MCF2L: variants seen among roughly 807,000 people sequenced by gnomAD.
MCF2L encodes the protein guanine nucleotide exchange factor DBS.
In MCF2L, 97 loss-of-function variants were observed where a neutral mutation model predicts 153.4. That is an observed-to-expected ratio of 0.63 (90% CI 0.54 to 0.75). The LOEUF is 0.75. Among genes scored for constraint, MCF2L ranks in the 30% least tolerant of loss-of-function variants. The probability of loss-of-function intolerance (pLI) is 0.00; values close to 1 mark genes in which losing one functional copy is unlikely to be tolerated. For synonymous variants in MCF2L, 659 were observed against 632.2 expected (o/e 1.04, Z -0.64); for missense variants, 1,347 against 1,495.2 (o/e 0.90, Z 1.64).
chr13:113,029,190 G>A (rs575366686), intron 3 of MCF2L, among the ~76,000 whole-genome samples: 5 of 152,290 alleles, frequency 3.3e-5, no homozygotes, highest in South Asian at 2.1e-4. Context: ...GGGAAGCTGC[G>A]GGCCTGTAAG....
intron 2 of MCF2L, among the ~76,000 whole-genome samples, chr13:112,948,497 G>T (rs1479436387): frequency 1.3e-5 from 2 of 152,106 alleles, no homozygotes; most frequent in African/African-American, 4.8e-5. Flanking sequence ...CTTCCACAAA[G>T]TCCTAGGACA....
At chr13:112,937,644 A>T (rs529159355) in intron 2 of MCF2L, among the ~76,000 whole-genome samples, 61 of 152,338 alleles carry the variant, frequency 4.0e-4, no homozygotes, top group Middle Eastern at 3.4e-3. Flanking sequence ...ATTTATGCAC[A>T]TGAAGGATTC....
intron 2 of MCF2L, among the ~76,000 whole-genome samples, chr13:113,017,872 GAAGTGCCAGAGCAAAAAACT>G (rs2084632614): frequency 6.6e-6 from 1 of 152,222 alleles, no homozygotes; most frequent in Non-Finnish European, 1.5e-5. Flanking sequence ...TGGCTTCCGT[GAAGTGCCAGAGCAAAAAACT>G]AAAGATGTCA....
intron 2 of MCF2L, among the ~76,000 whole-genome samples, chr13:112,930,052 A>C (rs2081445993): frequency 6.6e-6 from 1 of 152,228 alleles, no homozygotes; most frequent in Non-Finnish European, 1.5e-5. Flanking sequence ...ACAAAACCTC[A>C]CAACGCCTGG....
intron 4 of MCF2L, among the ~76,000 whole-genome samples, chr13:113,049,829 G>A (rs888301153): frequency 6.6e-6 from 1 of 152,238 alleles, no homozygotes; most frequent in Non-Finnish European, 1.5e-5. Flanking sequence ...TGTCTTAAGA[G>A]CTGAGCTCTC....
At chr13:113,051,746 C>CA (rs1387914022) in intron 4 of MCF2L, among the ~76,000 whole-genome samples, 6 of 152,232 alleles carry the variant, frequency 3.9e-5, no homozygotes, top group Non-Finnish European at 8.8e-5. Context: ...TGAGGAGCCT[C>CA]ACCTGGTGAG....
chr13:113,089,368 G>A (rs1050519139), intron 25 of MCF2L, among the ~76,000 whole-genome samples: 1 of 148,580 alleles, frequency 6.7e-6, no homozygotes, highest in South Asian at 2.1e-4. Context: ...GAGGGTGGGC[G>A]TCTGCTCTCA....
intron 2 of MCF2L, among the ~76,000 whole-genome samples, chr13:113,017,499 C>T (rs1454133068): frequency 1.3e-5 from 2 of 152,240 alleles, no homozygotes; most frequent in Non-Finnish European, 2.9e-5. Flanking sequence ...AACTTTGTTA[C>T]CTCTGCTGCA....
In MCF2L at chr13:113,066,141, C is replaced by G. The variant is rs748402721; in HGVS notation, c.852C>G (p.Asp284Glu). The G allele has an allele frequency of 7.4e-6, 12 of 1,612,680 alleles. No individual in the cohort carries two copies. Among genetic ancestry groups the G allele is most frequent in the Non-Finnish European group, 1.0e-5 (12 of 1,179,790 alleles). The change falls in exon 8 of 30, where the codon GAC (aspartate) becomes GAG (glutamate). Residue 284 changes from aspartate (D) to glutamate (E), a missense_variant. Physicochemically the swap from Asp to Glu is conservative, Grantham distance 45 (BLOSUM62 2). Coordinates refer to ENST00000535094, the MANE Select transcript of MCF2L (RefSeq NM_001112732.3). ...GCTCAGAGCCCAGTGTGAACCAGGA[C>G]CAGCTTGACAACCAGGCCACCGTGC... Reference protein sequence around the residue: ...AEGSEPSVNQDQLDNQATVQR... With the variant: ...AEGSEPSVNQEQLDNQATVQR...
At chr13:113,069,599 G>A (rs575566829) in intron 8 of MCF2L, among the ~76,000 whole-genome samples, 1 of 148,030 alleles carries the variant, frequency 6.8e-6, no homozygotes, top group South Asian at 2.2e-4. Flanking sequence ...GGCAGAGGTC[G>A]CAGTGAGCCG....
chr13:113,091,516 G>C (rs2035208903), intron 26 of MCF2L, among the ~76,000 whole-genome samples: 1 of 152,212 alleles, frequency 6.6e-6, no homozygotes, highest in African/African-American at 2.4e-5. Flanking sequence ...TCACTGCCCA[G>C]TGGCTGCTGT....
At chr13:113,059,655 A>G (rs1407934519) in intron 4 of MCF2L, among the ~76,000 whole-genome samples, 9 of 152,156 alleles carry the variant, frequency 5.9e-5, no homozygotes, top group Non-Finnish European at 1.3e-4. Context: ...ACTGAACGCC[A>G]CGCACGCCTT....
In MCF2L at chr13:112,904,066, T is replaced by C. The variant is rs1448351510; in HGVS notation, c.169+1695T>C. ...GTGGCCACTCAGAACCTCGGACTGG[T>C]GCCTTTCCCTGAGCGCCCAAGTCTC... is the stretch of plus-strand genomic sequence containing the variant. On this transcript the variant is annotated intron_variant, in intron 2 of 29. Coordinates refer to the MCF2L transcript ENST00000375608. This position sits in a 1 kb window ranked among gnomAD's most constrained non-coding sequence, Gnocchi z 4.2. 6.6e-6 allele frequency among the ~76,000 whole-genome samples: 1 copy of C among 151,914 alleles called. No individual in the cohort carries two copies. The highest frequency in any genetic ancestry group is 1.5e-5 in the Non-Finnish European group (1 of 67,986).
Position 113,084,870 on chromosome 13 carries a change from CGGTG to C in MCF2L, c.2062-21_2062-18del. 6.3e-7 allele frequency: 1 copy of C among 1,582,038 alleles called. No homozygotes were observed. On this transcript the variant is annotated intron_variant, in intron 18 of 29. Transcript: ENST00000535094. ...GCTGCCCATCCCTCACTGCGTGATG[CGGTG>C]CCTGTCCCTCGGTGCAGATGGAAGA...
chr13:112,970,910 C>T (rs1179875726), intron 1 of MCF2L, among the ~76,000 whole-genome samples: 1 of 152,142 alleles, frequency 6.6e-6, no homozygotes, highest in African/African-American at 2.4e-5. Context: ...GATGTGCGTC[C>T]TCCCACACAT....
At position 113,064,354 on chromosome 13, in the gene MCF2L, G is replaced by A. The variant is rs777090741; in HGVS notation, c.540G>A (p.Ser180=). The change falls in exon 6 of 30, where the codon TCG becomes TCA. Residue 180 remains serine (S), a synonymous_variant. Coordinates refer to ENST00000535094, the MANE Select transcript of MCF2L (RefSeq NM_001112732.3). This position sits in a 1 kb window ranked among gnomAD's most constrained non-coding sequence, Gnocchi z 6.0. ...VPDLHGYIDK[S]QLTEDLGGTL... is the part of the protein sequence containing the mutation. ...ACTTACACGGTTACATCGATAAGTC[G>A]CAGCTGACCGAGGACCTGGGTGGGA... The A allele has an allele frequency of 6.2e-6, 10 of 1,612,954 alleles. No individual in the cohort carries two copies. Among genetic ancestry groups the A allele is most frequent in the South Asian group, 3.3e-5 (3 of 91,082 alleles).
At chr13:113,058,809 GTGGGCGCTGTGTGTT>G (rs1476451936) in intron 4 of MCF2L, among the ~76,000 whole-genome samples, 1 of 149,844 alleles carries the variant, frequency 6.7e-6, no homozygotes, top group Non-Finnish European at 1.5e-5. Context: ...TGGGCACTGA[GTGGGCGCTGTGTGTT>G]TGGGCGCTGA....
Position 113,045,075 on chromosome 13 carries a change from C to T in MCF2L, c.279-196C>T, listed in dbSNP as rs1456875539. 26 of 971,324 alleles carry T rather than the reference C, an allele frequency of 2.7e-5. No homozygotes were observed. Among genetic ancestry groups the T allele is most frequent in the Non-Finnish European group, 3.6e-5 (23 of 647,880 alleles). The allele number at this position is 971,324 out of a possible 1,614,324, so 60.2% of individuals were successfully genotyped here. On this transcript the variant is annotated intron_variant, in intron 3 of 29. Coordinates refer to ENST00000535094, the MANE Select transcript of MCF2L (RefSeq NM_001112732.3). This position sits in a 1 kb window ranked among gnomAD's most constrained non-coding sequence, Gnocchi z 4.2. ...AACACACCAAAAGTGCCTGCCCTTC[C>T]GTAGATGAGAGCAGGTTCTGGGACT...
chr13:113,090,771 A>G, intron 26 of MCF2L: 1 of 985,454 alleles, frequency 1.0e-6, no homozygotes, highest in Non-Finnish European at 1.2e-6. Flanking sequence ...TTTCCAATTT[A>G]TAAAATGCTT....
Sources: gnomAD v4.1 joint callset for allele counts (sites outside exome capture counted in the v4.1 genomes callset) on GRCh38, gnomAD v4.1.1 for gene constraint, Gnocchi (gnomAD v3.1) non-coding constraint, MANE v1.5 for transcripts, NCBI Gene and HGNC (gene_info 2026-07-23, HGNC 2026-07-21) for gene names.